The following STAM2 variants were observed in gnomAD, a reference collection of about 807,000 sequenced individuals.
STAM2 encodes signal transducing adaptor molecule 2, also known as signal transducing adapter molecule 2.
A neutral mutation model predicts 65.6 loss-of-function variants in STAM2; 51 were observed. The observed-to-expected ratio is 0.78, with a 90% CI of 0.62 to 0.98. The LOEUF (loss-of-function observed/expected upper bound fraction) is 0.98, where lower values mean the gene tolerates loss of function less well. Among genes scored for constraint, STAM2 ranks in the 50% least tolerant of loss-of-function variants. STAM2 has a pLI of 0.00. For missense variants in STAM2, 584 were observed against 617.8 expected, an observed-to-expected ratio of 0.95 and a Z score of 0.58; for synonymous variants, 198 against 208.4, an observed-to-expected ratio of 0.95 and a Z score of 0.43.
intron 12 of STAM2, 108 bp from the exon 13 acceptor site, chr2:152,124,043 AAGCAATCTGATTCTACCAATCTATCCAT>A: frequency 1.1e-6 from 1 of 913,700 alleles, no homozygotes. Context: ...CTTCTTTGGG[AAGCAATCTGATTCTACCAATCTATCCAT>A]CTTAGAACTA....
intron 1 of STAM2, among the ~76,000 whole-genome samples, chr2:152,165,148 G>A (rs1036481169): frequency 6.6e-6 from 1 of 152,090 alleles, no homozygotes; most frequent in Non-Finnish European, 1.5e-5. Flanking sequence ...TGAGTCGGTC[G>A]GGCGCGGTGG....
At chr2:152,175,365 G>C (rs1689994683) in intron 1 of STAM2, among the ~76,000 whole-genome samples, 1 of 152,152 alleles carries the variant, frequency 6.6e-6, no homozygotes, top group South Asian at 2.1e-4. Flanking sequence ...GCTTGGCAAG[G>C]AGAACGGCCC....
chr2:152,136,734 C>A (rs1025585171), intron 7 of STAM2, among the ~76,000 whole-genome samples: 3 of 152,118 alleles, frequency 2.0e-5, no homozygotes, highest in African/African-American at 4.8e-5. Context: ...CCATATTTAT[C>A]CATTCCTGTA....
Position 152,126,395 on chromosome 2 carries a change from A to G in STAM2, c.1026-16T>C. The G allele has an allele frequency of 6.7e-7, 1 of 1,502,604 alleles. No individual in the cohort carries two copies. Among genetic ancestry groups the G allele is most frequent in the South Asian group, 1.4e-5 (1 of 72,194 alleles). The allele number at this position is 1,502,604 out of a possible 1,614,324, so 93.1% of individuals were successfully genotyped here. A position where few individuals can be genotyped will look rare whatever the true frequency, so the allele number is the denominator to read the frequency against. The stretch of plus-strand genomic sequence containing the variant: ...TGAATGCTTCCTGATGTAGAAGAAA[A>G]GTATTATAATACTCTTCTAGTTTTT... On this transcript the variant is annotated splice_polypyrimidine_tract_variant and intron_variant, in intron 11 of 13. Transcript: ENST00000263904.
At chr2:152,136,634 C>T (rs1179748742) in intron 7 of STAM2, among the ~76,000 whole-genome samples, 1 of 141,158 alleles carries the variant, frequency 7.1e-6, no homozygotes, top group East Asian at 2.1e-4. Flanking sequence ...GACACAGATG[C>T]TAATCCATAC....
intron 1 of STAM2, among the ~76,000 whole-genome samples, chr2:152,161,057 G>A (rs565726395): frequency 6.6e-6 from 1 of 152,248 alleles, no homozygotes; most frequent in Non-Finnish European, 1.5e-5. Context: ...GAATAGAAGG[G>A]GGGGAAAGGT....
intron 1 of STAM2, among the ~76,000 whole-genome samples, chr2:152,173,918 G>A (rs1449760131): frequency 6.6e-6 from 1 of 152,102 alleles, no homozygotes; most frequent in African/African-American, 2.4e-5. Context: ...TCATGCTTAA[G>A]CTAATATGTA....
At chr2:152,143,222 A>C (rs1689281073) in intron 7 of STAM2, among the ~76,000 whole-genome samples, 2 of 152,218 alleles carry the variant, frequency 1.3e-5, no homozygotes, top group Non-Finnish European at 2.9e-5. Context: ...CTAGTGTGTT[A>C]TAAATAACTA....
At chr2:152,130,792 T>C (rs1579313646) in intron 11 of STAM2, among the ~76,000 whole-genome samples, 1 of 147,804 alleles carries the variant, frequency 6.8e-6, no homozygotes, top group East Asian at 2.0e-4. Flanking sequence ...AGGTCAGGAG[T>C]TCGAGATCAG....
At chr2:152,141,428 G>A (rs1237017825) in intron 7 of STAM2, among the ~76,000 whole-genome samples, 1 of 151,462 alleles carries the variant, frequency 6.6e-6, no homozygotes, top group African/African-American at 2.4e-5. Context: ...CAGCTCCTGG[G>A]GAGGCTGAGG....
At chr2:152,134,841 G>A (rs79202689) in intron 8 of STAM2, among the ~76,000 whole-genome samples, 157 of 152,174 alleles carry the variant, frequency 1.0e-3, no homozygotes, top group African/African-American at 3.4e-3. Flanking sequence ...GTACTATTAC[G>A]AGCTGTTCCT....
intron 5 of STAM2, 127 bp downstream of exon 5, chr2:152,147,035 G>A (rs1689348954): frequency 1.2e-6 from 1 of 863,522 alleles, no homozygotes. Context: ...AAGGCACTAT[G>A]CTAGAGAGTC....
At chr2:152,124,555 C>CCTACTTATT (rs1410016157) in intron 12 of STAM2, 2 of 152,190 alleles carry the variant, frequency 1.3e-5, no homozygotes, top group Non-Finnish European at 2.9e-5. Context: ...TTATATGTGC[C>CCTACTTATT]CTACTTATTT....
At chr2:152,156,838 C>G (rs1413015627) in intron 1 of STAM2, among the ~76,000 whole-genome samples, 2 of 152,022 alleles carry the variant, frequency 1.3e-5, no homozygotes, top group African/African-American at 4.8e-5. Flanking sequence ...TTTAAAGCTC[C>G]TCCTATTATG....
chr2:152,159,736 GTCTCCC>G, intron 1 of STAM2, among the ~76,000 whole-genome samples: 1 of 151,996 alleles, frequency 6.6e-6, no homozygotes, highest in South Asian at 2.1e-4. Flanking sequence ...TCTCCCCACA[GTCTCCC>G]TCTCCCTCTC....
intron 7 of STAM2, among the ~76,000 whole-genome samples, chr2:152,137,734 T>C (rs1234509265): frequency 6.8e-6 from 1 of 147,602 alleles, no homozygotes; most frequent in African/African-American, 2.6e-5. Context: ...AGTTTTTTTA[T>C]TTTTTTTTTC....
At chr2:152,155,756 T>C (rs1002882348) in intron 1 of STAM2, among the ~76,000 whole-genome samples, 7 of 152,236 alleles carry the variant, frequency 4.6e-5, no homozygotes, top group African/African-American at 1.7e-4. Flanking sequence ...TACCTGAAGA[T>C]TAAATATCTA....
At chr2:152,167,208 G>T (rs779532944) in intron 1 of STAM2, among the ~76,000 whole-genome samples, 3 of 152,118 alleles carry the variant, frequency 2.0e-5, no homozygotes, top group African/African-American at 7.2e-5. Flanking sequence ...TTCTTAACTG[G>T]AGGAAACTAA....
chr2:152,120,944 C>A, intron 13 of STAM2, 142 bp from the exon 14 acceptor site: 1 of 646,742 alleles, frequency 1.5e-6, no homozygotes, highest in Non-Finnish European at 2.7e-6. Context: ...TTTAATCATT[C>A]CAGCCATTGA....
Sources: allele counts gnomAD v4.1 joint callset (sites outside exome capture counted in the v4.1 genomes callset), GRCh38; gene constraint gnomAD v4.1.1; transcripts MANE v1.5; gene names NCBI Gene and HGNC (gene_info 2026-07-23, HGNC 2026-07-21).